The following CACNA1D variants were observed in gnomAD, a reference collection of about 807,000 sequenced individuals.
The protein encoded by CACNA1D is calcium voltage-gated channel subunit alpha1 D, also known as voltage-dependent L-type calcium channel subunit alpha-1D.
A neutral mutation model predicts 257.1 loss-of-function variants in CACNA1D; 55 were observed. The observed-to-expected ratio is 0.21, with a 90% CI of 0.17 to 0.27. The LOEUF is 0.27. Ranked by LOEUF, CACNA1D falls within the 10% of genes least tolerant of loss-of-function variation. CACNA1D has a pLI of 1.00. For synonymous variants in CACNA1D, 980 were observed against 1,014.9 expected (o/e 0.97, Z 0.65); for missense variants, 1,876 against 2,784.0 (o/e 0.67, Z 7.34).
At chr3:53,724,826 T>C (rs769529855) in intron 14 of CACNA1D, among the ~76,000 whole-genome samples, 32 of 152,196 alleles carry the variant, frequency 2.1e-4, no homozygotes, top group Non-Finnish European at 4.3e-4. Context: ...ACTTACCCAT[T>C]TCTGAAGAAA....
chr3:53,803,658 T>A lies in CACNA1D; in HGVS notation c.5585+86T>A. 7 of 1,393,356 alleles carry A rather than the reference T, an allele frequency of 5.0e-6. No homozygotes were observed. The South Asian group carries it at 6.9e-5, about 14-fold the overall frequency. 86.3% of individuals were successfully genotyped at this position (1,393,356 alleles called of 1,614,324 possible). ...TCCGGAAGCCAGGGCCACCGGCAGC[T>A]GCACTTGGGCTTCCCCTAAAAAGCA... On this transcript the variant is annotated intron_variant, in intron 44 of 47. Transcript: ENST00000350061.
chr3:53,601,854 G>A lies in CACNA1D; in HGVS notation c.484-48925G>A, dbSNP rs146030247. Among the ~76,000 whole-genome samples, 435 of 152,256 alleles carry A rather than the reference G, an allele frequency of 2.9e-3. 4 individuals are homozygous for A. The highest frequency in any genetic ancestry group is 0.01 in the African/African-American group (421 of 41,538). On this transcript the variant is annotated intron_variant, in intron 3 of 47. Coordinates refer to ENST00000350061, the MANE Select transcript of CACNA1D (RefSeq NM_001128840.3). ...GCTTCTAGAGTAGCTGGGATTACAG[G>A]TGCCCGCTACCATGTCTGGCTAGTT...
At chr3:53,694,801 T>C (rs980507961) in intron 8 of CACNA1D, among the ~76,000 whole-genome samples, 2 of 152,202 alleles carry the variant, frequency 1.3e-5, no homozygotes, top group African/African-American at 4.8e-5. Flanking sequence ...CAGGCTCGTA[T>C]TCTGCTGAAG....
At chr3:53,544,663 A>G (rs1215968809) in intron 3 of CACNA1D, among the ~76,000 whole-genome samples, 2 of 152,214 alleles carry the variant, frequency 1.3e-5, no homozygotes, top group Non-Finnish European at 2.9e-5. Context: ...ATTAATATCA[A>G]AAGAAGAGCT....
chr3:53,550,355 C>T (rs2092506000), intron 3 of CACNA1D, among the ~76,000 whole-genome samples: 1 of 152,166 alleles, frequency 6.6e-6, no homozygotes, highest in African/African-American at 2.4e-5. Flanking sequence ...GCACTGATCC[C>T]TCCCATCAAC....
intron 26 of CACNA1D, among the ~76,000 whole-genome samples, chr3:53,748,604 C>G (rs575932008): frequency 6.6e-6 from 1 of 152,288 alleles, no homozygotes; most frequent in East Asian, 1.9e-4. Context: ...TGGCTCTGCC[C>G]CCAAGGAGTG....
In CACNA1D at chr3:53,749,295, T is replaced by C; in HGVS notation, c.3342T>C (p.Asn1114=). The change falls in exon 27 of 48, where the codon AAT becomes AAC. Residue 1114 remains asparagine, a synonymous_variant. Coordinates refer to ENST00000350061, the MANE Select transcript of CACNA1D (RefSeq NM_001128840.3). ...PALLYKAIDS[N]GENIGPIYNH... ...TGCTGTATAAAGCCATCGACTCGAA[T>C]GGAGAGAACATCGGCCCAATCTACA... The C allele has an allele frequency of 6.2e-7, 1 of 1,614,038 alleles. No homozygotes were observed. The highest frequency in any genetic ancestry group is 8.5e-7 in the Non-Finnish European group (1 of 1,179,880).
At chr3:53,780,183 T>G in intron 38 of CACNA1D, 55 bp downstream of exon 38, 1 of 1,352,106 alleles carries the variant, frequency 7.4e-7, no homozygotes, top group Non-Finnish European at 1.1e-6. Flanking sequence ...AGACATCACA[T>G]CCCATCTTGC....
At chr3:53,707,396 T>A (rs777723002) in intron 9 of CACNA1D, among the ~76,000 whole-genome samples, 1 of 152,174 alleles carries the variant, frequency 6.6e-6, no homozygotes, top group African/African-American at 2.4e-5. Context: ...AATATCACAC[T>A]GTTCCAGGCA....
intron 3 of CACNA1D, among the ~76,000 whole-genome samples, chr3:53,591,279 G>A (rs920201157): frequency 6.6e-6 from 1 of 152,034 alleles, no homozygotes; most frequent in African/African-American, 2.4e-5. Flanking sequence ...TTGAGACAGA[G>A]TCTCACTCTG....
chr3:53,565,369 T>C (rs767545889), intron 3 of CACNA1D, among the ~76,000 whole-genome samples: 2 of 152,080 alleles, frequency 1.3e-5, no homozygotes, highest in South Asian at 2.1e-4. Context: ...CATACACACA[T>C]TGGGGCTTTG....
chr3:53,737,723 T>G (rs1442036613), intron 20 of CACNA1D, among the ~76,000 whole-genome samples: 2 of 152,216 alleles, frequency 1.3e-5, no homozygotes, highest in African/African-American at 4.8e-5. Context: ...TGCAGGAGGC[T>G]GAGGCAGGAG....
intron 3 of CACNA1D, among the ~76,000 whole-genome samples, chr3:53,543,730 A>G (rs543837665): frequency 6.6e-6 from 1 of 152,192 alleles, no homozygotes; most frequent in African/African-American, 2.4e-5. Context: ...ATTATTTTAC[A>G]GGTGAGGAAA....
At chr3:53,643,155 G>A (rs1430046963) in intron 3 of CACNA1D, among the ~76,000 whole-genome samples, 1 of 152,190 alleles carries the variant, frequency 6.6e-6, no homozygotes, top group Non-Finnish European at 1.5e-5. Flanking sequence ...TAAACCGAAG[G>A]TGAAGAAAGA....
chr3:53,588,532 G>A (rs924526951), intron 3 of CACNA1D, among the ~76,000 whole-genome samples: 4 of 152,150 alleles, frequency 2.6e-5, no homozygotes, highest in Admixed American at 2.6e-4. Flanking sequence ...GTTATGGAAG[G>A]AAATTGGATT....
At chr3:53,748,859 G>A (rs945793007) in intron 26 of CACNA1D, among the ~76,000 whole-genome samples, 3 of 152,154 alleles carry the variant, frequency 2.0e-5, no homozygotes, top group Non-Finnish European at 4.4e-5. Flanking sequence ...TTTAATTTTA[G>A]TGCATATCTC....
chr3:53,780,200 C>T (rs1438684361), intron 38 of CACNA1D, 72 bp downstream of exon 38: 2 of 1,215,978 alleles, frequency 1.6e-6, no homozygotes, highest in Non-Finnish European at 1.2e-6. Context: ...TTGCCTTCCT[C>T]ATCTGGGCCT....
At chr3:53,771,292 C>T (rs2095365036) in intron 32 of CACNA1D, among the ~76,000 whole-genome samples, 1 of 152,202 alleles carries the variant, frequency 6.6e-6, no homozygotes, top group African/African-American at 2.4e-5. Flanking sequence ...AATCCTGCAT[C>T]TTCATTTTTT....
intron 3 of CACNA1D, among the ~76,000 whole-genome samples, chr3:53,522,515 G>A (rs1035996586): frequency 6.6e-6 from 1 of 152,226 alleles, no homozygotes; most frequent in Non-Finnish European, 1.5e-5. Context: ...TGCAGAAATA[G>A]AGCTGAAAGA....
Sources: gnomAD v4.1 joint callset for allele counts (sites outside exome capture counted in the v4.1 genomes callset) on GRCh38, gnomAD v4.1.1 for gene constraint, MANE v1.5 for transcripts, NCBI Gene and HGNC (gene_info 2026-07-23, HGNC 2026-07-21) for gene names.